The following OR10D3 variants were observed in gnomAD, a reference collection of about 807,000 sequenced individuals.
OR10D3 encodes the protein olfactory receptor 10D3.
For synonymous variants in OR10D3, 100 were observed against 57.6 expected (o/e 1.74, Z -3.33); for missense variants, 286 against 153.7 (o/e 1.86, Z -4.55).
chr11:124,185,584 T>C, exon 2 of OR10D3: 1 of 703,538 alleles, frequency 1.4e-6, no homozygotes, highest in Non-Finnish European at 2.6e-6. Context: ...TCTTCTTCCA[T>C]TTCCTCGGGA....
intron 1 of OR10D3, chr11:124,184,347 G>A (rs1861195497): frequency 6.6e-6 from 1 of 152,178 alleles, no homozygotes; most frequent in Non-Finnish European, 1.5e-5. Context: ...TCTTTGCACT[G>A]AGAGTATAAT....
At position 124,186,082 on chromosome 11, in the gene OR10D3, G is replaced by T. The variant is rs762845825; in HGVS notation, c.813G>T (p.Val271=). 5 of 703,198 alleles carry T rather than the reference G, an allele frequency of 7.1e-6. No individual in the cohort carries two copies. The South Asian group carries it at 7.4e-5, about 10-fold the overall frequency. 43.6% of individuals were successfully genotyped at this position (703,198 alleles called of 1,614,324 possible). The change falls in exon 2 of 2, where the codon GTG becomes GTT. Residue 271 remains valine, a synonymous_variant. Coordinates refer to ENST00000641351, the Ensembl canonical transcript of OR10D3. Reference sequence around the variant, plus strand: ...CACCCAACCCCATGCTGGGAACCGTGGTACAAATTCTCATGAATCTGGTAG... The same window carrying T: ...CACCCAACCCCATGCTGGGAACCGTTGTACAAATTCTCATGAATCTGGTAG...
chr11:124,186,182 A>G (rs1565302501), exon 2 of OR10D3: 3 of 701,776 alleles, frequency 4.3e-6, no homozygotes, highest in Non-Finnish European at 7.8e-6. Context: ...AATATTGCAC[A>G]GGACAGGCCA....
exon 2 of OR10D3, chr11:124,188,739 A>C (rs1304241426): frequency 6.6e-6 from 1 of 152,224 alleles, no homozygotes. Context: ...ATTCCAGAGG[A>C]ATGGTAATAA....
exon 2 of OR10D3, chr11:124,186,296 G>C (rs1861225577): frequency 3.3e-6 from 2 of 614,768 alleles, no homozygotes; most frequent in Non-Finnish European, 2.9e-6. Flanking sequence ...ATGTGACAAT[G>C]ACTTGGAATT....
exon 2 of OR10D3, chr11:124,185,384 C>G (rs755279817): frequency 1.9e-4 from 136 of 703,196 alleles, no homozygotes; most frequent in South Asian, 1.9e-3. Flanking sequence ...TGCCTGCACT[C>G]TACTGGGAAA....
exon 2 of OR10D3, chr11:124,186,329 T>C (rs766876221): frequency 7.1e-5 from 43 of 603,870 alleles, no homozygotes; most frequent in Non-Finnish European, 1.1e-4. Flanking sequence ...CTGAATGATA[T>C]GGACCATTAT....
chr11:124,185,789 G>A (rs907554624), exon 2 of OR10D3: 1 of 703,710 alleles, frequency 1.4e-6, no homozygotes, highest in Admixed American at 2.0e-5. Flanking sequence ...TCCCAATGAA[G>A]TGGATCACTT....
intron 1 of OR10D3, chr11:124,184,224 A>G (rs572667062): frequency 1.3e-5 from 2 of 152,362 alleles, no homozygotes; most frequent in Admixed American, 6.5e-5. Flanking sequence ...AGAAATTACT[A>G]TCTGATAGTA....
chr11:124,186,064 C>T, exon 2 of OR10D3: 1 of 703,380 alleles, frequency 1.4e-6, no homozygotes. Context: ...CCACACCCAA[C>T]CCCATGCTGG....
chr11:124,185,269 C>A (rs1218490070), exon 2 of OR10D3: 1 of 701,488 alleles, frequency 1.4e-6, no homozygotes, highest in South Asian at 1.5e-5. Context: ...GACTGGCTTC[C>A]ATGGAGGTGA....
chr11:124,184,802 A>G (rs569282935), intron 1 of OR10D3, among the ~76,000 whole-genome samples: 7 of 152,300 alleles, frequency 4.6e-5, no homozygotes, highest in South Asian at 2.1e-4. Flanking sequence ...TGATTCCCTT[A>G]AAAAACGTAG....
exon 2 of OR10D3, chr11:124,187,219 C>T (rs2137700547): frequency 6.6e-6 from 1 of 152,306 alleles, no homozygotes; most frequent in African/African-American, 2.4e-5. Context: ...ACCCTTACCT[C>T]TTGGATATTC....
intron 1 of OR10D3, among the ~76,000 whole-genome samples, 177 bp downstream of exon 1, chr11:124,183,560 TTCCC>T (rs775089040): frequency 1.3e-4 from 13 of 102,458 alleles, no homozygotes; most frequent in East Asian, 3.1e-4. Flanking sequence ...CCTTCCCTCC[TTCCC>T]TCCCTCCCTC....
At chr11:124,186,554 T>C (rs1861229116) in exon 2 of OR10D3, 1 of 170,060 alleles carries the variant, frequency 5.9e-6, no homozygotes, top group Non-Finnish European at 1.2e-5. Context: ...ATACTATTTG[T>C]GAGACAAACC....
intron 1 of OR10D3, among the ~76,000 whole-genome samples, chr11:124,183,609 G>A (rs1861188539): frequency 8.0e-6 from 1 of 125,272 alleles, no homozygotes; most frequent in African/African-American, 3.0e-5. Flanking sequence ...CCAGGCTGAA[G>A]TGCAGTGGCA....
exon 2 of OR10D3, chr11:124,186,588 AAAGAG>A (rs1224723047): frequency 6.4e-6 from 1 of 157,360 alleles, no homozygotes; most frequent in African/African-American, 2.4e-5. Flanking sequence ...AATAAAAAGA[AAAGAG>A]ATTTTAAATA....
rs7937603 is a variant in OR10D3 at position 124,185,875 on chromosome 11, C to G, written c.606C>G (p.Asn202Lys). Residue 202 changes from asparagine to lysine, a missense_variant, in exon 2 of 2, where the codon AAC becomes AAG. By Grantham distance (94) the Asn-to-Lys change is moderately conservative. Coordinates refer to ENST00000641351, the Ensembl canonical transcript of OR10D3. ...TAGCCCAGAGGGTGAGCTTCACCAA[C>G]GTTGGCCTCATATCTCTTGTCTGCT... The G allele has an allele frequency of 5.7e-6, 4 of 703,262 alleles. No homozygotes were observed. The African/African-American group carries it at 7.0e-5, about 12-fold the overall frequency. 43.6% of individuals were successfully genotyped at this position (703,262 alleles called of 1,614,324 possible).
exon 2 of OR10D3, chr11:124,185,416 T>C: frequency 1.4e-6 from 1 of 703,174 alleles, no homozygotes; most frequent in Non-Finnish European, 2.6e-6. Context: ...TTGTTGCTGT[T>C]ATGTCTTCTG....
Sources: gnomAD v4.1 joint callset for allele counts (sites outside exome capture counted in the v4.1 genomes callset) on GRCh38, gnomAD v4.1.1 for gene constraint, MANE v1.5 for transcripts, NCBI Gene and HGNC (gene_info 2026-07-23, HGNC 2026-07-21) for gene names.